Variants in GM2A observed in about 807,000 individuals in gnomAD.
The protein encoded by GM2A is GM2 ganglioside activator.
Under a neutral mutation model 12.9 loss-of-function variants are expected in GM2A, and 7 were observed. The ratio of observed to expected loss-of-function variants is 0.54; its 90% CI spans 0.31 to 1.02. The LOEUF (loss-of-function observed/expected upper bound fraction) is 1.02. GM2A is among the 50% of genes least tolerant of loss of function. The pLI is 0.05. For synonymous variants in GM2A, 101 were observed against 96.0 expected (o/e 1.05, Z -0.30); for missense variants, 246 against 241.0 (o/e 1.02, Z -0.14).
Position 151,268,668 on chromosome 5 carries a change from T to A in GM2A, c.*1217T>A. 1.6e-6 allele frequency: 1 copy of A among 638,400 alleles called. No homozygotes were observed. Among genetic ancestry groups the A allele is most frequent in the Non-Finnish European group, 1.9e-6 (1 of 519,730 alleles). The allele number at this position is 638,400 out of a possible 1,614,324, so 39.5% of individuals were successfully genotyped here. A position where few individuals can be genotyped will look rare whatever the true frequency, so the allele number is the denominator to read the frequency against. On this transcript the variant is annotated 3_prime_UTR_variant, in exon 4 of 4. Coordinates refer to ENST00000357164, the MANE Select transcript of GM2A (RefSeq NM_000405.5). ...GCAATACTCCAGCCTGGTGACAGAGTGAGACTCTGTCTCAAAAAAAAAGTT... is the reference window on the plus strand; with the variant it reads ...GCAATACTCCAGCCTGGTGACAGAGAGAGACTCTGTCTCAAAAAAAAAGTT...
chr5:151,267,798 A>T lies in GM2A; in HGVS notation c.*347A>T. 8.4e-7 allele frequency: 1 copy of T among 1,189,488 alleles called. No homozygotes were observed. The highest frequency in any genetic ancestry group is 1.6e-5 in the African/African-American group (1 of 60,908). 73.7% of individuals were successfully genotyped at this position (1,189,488 alleles called of 1,614,324 possible). On this transcript the variant is annotated 3_prime_UTR_variant, in exon 4 of 4. Coordinates refer to ENST00000357164, the MANE Select transcript of GM2A (RefSeq NM_000405.5). ...TTTTAGGACCTGAAGAATCTTTATG[A>T]CTCTCTCTCTTTCACTCTTTTTTTT...
intron 2 of GM2A, among the ~76,000 whole-genome samples, chr5:151,262,998 G>C (rs1003872643): frequency 4.0e-5 from 6 of 151,614 alleles, no homozygotes; most frequent in African/African-American, 1.5e-4. Context: ...TCATAAATTT[G>C]GGCCTACATA....
intron 1 of GM2A, among the ~76,000 whole-genome samples, chr5:151,259,039 G>A (rs768232293): frequency 6.6e-6 from 1 of 152,138 alleles, no homozygotes; most frequent in Non-Finnish European, 1.5e-5. Flanking sequence ...AGACCTGGGG[G>A]ATGTGGAGGA....
chr5:151,267,885 T>G lies in GM2A; in HGVS notation c.*434T>G. The G allele has an allele frequency of 8.7e-7, 1 of 1,147,082 alleles. No homozygotes were observed. 71.1% of individuals were successfully genotyped at this position (1,147,082 alleles called of 1,614,324 possible). ...ACGTTTTTGTTCTCCTCCGGCCCCC[T>G]GTTACAATGAAGGGGCAAAAGTATT... On this transcript the variant is annotated 3_prime_UTR_variant, in exon 4 of 4. Coordinates refer to ENST00000357164, the MANE Select transcript of GM2A (RefSeq NM_000405.5).
intron 2 of GM2A, among the ~76,000 whole-genome samples, chr5:151,263,332 A>G (rs1204583481): frequency 2.0e-5 from 3 of 151,798 alleles, no homozygotes; most frequent in Non-Finnish European, 2.9e-5. Flanking sequence ...GGCCTCCCAA[A>G]GTGCTGGGAT....
intron 2 of GM2A, among the ~76,000 whole-genome samples, chr5:151,262,091 G>A (rs1753808843): frequency 2.0e-5 from 3 of 152,120 alleles, no homozygotes; most frequent in African/African-American, 7.2e-5. Context: ...TTTGCCTTTT[G>A]TATTTACTTT....
intron 1 of GM2A, among the ~76,000 whole-genome samples, chr5:151,259,287 C>T (rs1278666280): frequency 6.6e-6 from 1 of 152,096 alleles, no homozygotes; most frequent in East Asian, 1.9e-4. Context: ...TTTGTGTTTC[C>T]CATTGTTCCT....
chr5:151,263,062 C>T (rs575167329), intron 2 of GM2A, among the ~76,000 whole-genome samples: 2 of 151,984 alleles, frequency 1.3e-5, no homozygotes, highest in South Asian at 4.2e-4. Context: ...CCTCAGATCC[C>T]CTCTGCTCCT....
chr5:151,264,951 C>CA (rs1449417848), intron 2 of GM2A, among the ~76,000 whole-genome samples: 8 of 151,222 alleles, frequency 5.3e-5, no homozygotes. Flanking sequence ...CACTATACTC[C>CA]AGCCTAGGTG....
chr5:151,253,320 G>C, intron 1 of GM2A, 23 bp downstream of exon 1: 1 of 1,578,144 alleles, frequency 6.3e-7, no homozygotes. Flanking sequence ...TCTTTTAAGA[G>C]TCTGTTTGCA....
intron 2 of GM2A, among the ~76,000 whole-genome samples, chr5:151,261,478 G>T (rs1753797494): frequency 6.6e-6 from 1 of 152,138 alleles, no homozygotes. Context: ...TTACTCTGTT[G>T]CCTAGGCTGG....
Position 151,267,479 on chromosome 5 carries a change from C to T in GM2A, c.*28C>T, listed in dbSNP as rs9324685. 80,095 of 1,613,684 alleles carry T rather than the reference C, an allele frequency of 0.05. 4,353 individuals are homozygous for T. Among genetic ancestry groups the T allele is most frequent in the East Asian group, 0.25 (11,268 of 44,846 alleles). ...TGGCATCTGCCACAGCAGAATGGAG[C>T]GGTGTGAGGAAGGTCCCTTTTCCTC... is the stretch of plus-strand genomic sequence containing the variant. On this transcript the variant is annotated 3_prime_UTR_variant, in exon 4 of 4. Coordinates refer to ENST00000357164, the MANE Select transcript of GM2A (RefSeq NM_000405.5).
chr5:151,269,980 G>T lies in GM2A; in HGVS notation c.*2529G>T, dbSNP rs747946670. The T allele has an allele frequency of 4.9e-6, 6 of 1,222,344 alleles. No individual in the cohort carries two copies. In the South Asian group the frequency reaches 2.6e-4, roughly 52 times the overall value. 75.7% of individuals were successfully genotyped at this position (1,222,344 alleles called of 1,614,324 possible). A position where few individuals can be genotyped will look rare whatever the true frequency, so the allele number is the denominator to read the frequency against. ...ATGACCTCCACAGCCGTTTCCCTCT[G>T]TTGGATCTTCCAGCCTTATTCTCAA... is the stretch of plus-strand genomic sequence containing the variant. On this transcript the variant is annotated 3_prime_UTR_variant, in exon 4 of 4. Transcript: ENST00000357164.
Position 151,259,800 on chromosome 5 carries a change from A to G in GM2A, c.127A>G (p.Lys43Glu), listed in dbSNP as rs1233591481. The change falls in exon 2 of 4, where the codon AAG becomes GAG. Residue 43 changes from lysine (K) to glutamate (E), a missense_variant. Physicochemically the swap from Lys to Glu is moderately conservative, Grantham distance 56 (BLOSUM62 1). Coordinates refer to ENST00000357164, the MANE Select transcript of GM2A (RefSeq NM_000405.5). ...TTCCTGGGATAACTGTGATGAAGGG[A>G]AGGACCCTGCGGTGATCAGAAGCCT... The part of the protein sequence containing the change: ...SFSWDNCDEG[K>E]DPAVIRSLTL... 1 of 1,613,730 alleles carries G rather than the reference A, an allele frequency of 6.2e-7. No homozygotes were observed. Among genetic ancestry groups the G allele is most frequent in the Non-Finnish European group, 8.5e-7 (1 of 1,179,700 alleles).
At position 151,269,312 on chromosome 5, in the gene GM2A, G is replaced by C. The variant is rs1174760771; in HGVS notation, c.*1861G>C. 1.0e-6 allele frequency: 1 copy of C among 985,344 alleles called. No individual in the cohort carries two copies. The highest frequency in any genetic ancestry group is 1.2e-6 in the Non-Finnish European group (1 of 830,002). 61.0% of individuals were successfully genotyped at this position (985,344 alleles called of 1,614,324 possible). Reference sequence around the variant, plus strand: ...GGATTTCAAAAGCATTTTTGGGGTGGGGCTCTTTTGGTTGGAAGGGTTTGT... The same window carrying C: ...GGATTTCAAAAGCATTTTTGGGGTGCGGCTCTTTTGGTTGGAAGGGTTTGT... On this transcript the variant is annotated 3_prime_UTR_variant, in exon 4 of 4. Transcript: ENST00000357164.
chr5:151,262,303 C>T (rs1375785159), intron 2 of GM2A, among the ~76,000 whole-genome samples: 1 of 152,174 alleles, frequency 6.6e-6, no homozygotes, highest in Non-Finnish European at 1.5e-5. Flanking sequence ...TATTCTAGTA[C>T]CAGTTTTGTG....
At chr5:151,266,494 G>C (rs1341023825) in intron 2 of GM2A, among the ~76,000 whole-genome samples, 1 of 150,770 alleles carries the variant, frequency 6.6e-6, no homozygotes, top group African/African-American at 2.4e-5. Context: ...TTCAGTGTAG[G>C]GGGAAAATTC....
chr5:151,254,739 A>G (rs989600305), intron 1 of GM2A, among the ~76,000 whole-genome samples: 2 of 152,200 alleles, frequency 1.3e-5, no homozygotes, highest in Non-Finnish European at 2.9e-5. Context: ...CAGTTGGGCA[A>G]TATCATCTAA....
chr5:151,257,381 A>G (rs1234454937), intron 1 of GM2A, among the ~76,000 whole-genome samples: 1 of 151,866 alleles, frequency 6.6e-6, no homozygotes, highest in Non-Finnish European at 1.5e-5. Flanking sequence ...AGGGGAAGGG[A>G]TTCTTCTCCG....
Sources: gnomAD v4.1 joint callset for allele counts (sites outside exome capture counted in the v4.1 genomes callset) on GRCh38, gnomAD v4.1.1 for gene constraint, MANE v1.5 for transcripts, NCBI Gene and HGNC (gene_info 2026-07-23, HGNC 2026-07-21) for gene names.